Variants in ACVR2A observed in about 807,000 individuals in gnomAD.
ACVR2A encodes the protein activin A receptor type 2A, also known as activin receptor type-2A.
Under a neutral mutation model 61.4 loss-of-function variants are expected in ACVR2A, and 7 were observed. The observed-to-expected ratio is 0.11, with a 90% CI of 0.06 to 0.21. The LOEUF is 0.21. ACVR2A is among the 10% of genes least tolerant of loss of function. ACVR2A has a pLI of 1.00. For synonymous variants in ACVR2A, 193 were observed against 208.3 expected (o/e 0.93, Z 0.63); for missense variants, 322 against 621.7 (o/e 0.52, Z 5.13).
At chr2:147,877,221 C>CT (rs1449283527) in intron 1 of ACVR2A, among the ~76,000 whole-genome samples, 1 of 151,960 alleles carries the variant, frequency 6.6e-6, no homozygotes. Context: ...ATTTTTTTGT[C>CT]TTATGTTTAA....
In ACVR2A at chr2:147,905,336, G is replaced by T. The variant is rs375298073; in HGVS notation, c.528+5438G>T. 1.1e-4 allele frequency among the ~76,000 whole-genome samples: 16 copies of T among 152,012 alleles called. No homozygotes were observed. In the East Asian group the frequency reaches 2.7e-3, roughly 26 times the overall value. ...TTTATTATGTGTTTTTAAGTGAAAT[G>T]TAATAGAGTTTTATTGTATGCTTAT... On this transcript the variant is annotated intron_variant, in intron 4 of 10. Coordinates refer to ENST00000241416, the MANE Select transcript of ACVR2A (RefSeq NM_001616.5).
At chr2:147,871,216 T>G (rs1686004817) in intron 1 of ACVR2A, among the ~76,000 whole-genome samples, 1 of 152,114 alleles carries the variant, frequency 6.6e-6, no homozygotes, top group Non-Finnish European at 1.5e-5. Flanking sequence ...TTCTCAGACT[T>G]GATTTTTTTT....
At chr2:147,911,668 CTA>C (rs1246735887) in intron 4 of ACVR2A, among the ~76,000 whole-genome samples, 1 of 151,910 alleles carries the variant, frequency 6.6e-6, no homozygotes, top group Non-Finnish European at 1.5e-5. Flanking sequence ...TGTGCATCCT[CTA>C]TAATTTATAT....
At chr2:147,896,731 C>T (rs1686741668) in intron 2 of ACVR2A, 2 of 446,166 alleles carry the variant, frequency 4.5e-6, no homozygotes, top group Non-Finnish European at 8.0e-6. Context: ...GAATAATCTA[C>T]CCAGTAGTGA....
chr2:147,889,053 A>G (rs1573681443), intron 1 of ACVR2A, among the ~76,000 whole-genome samples: 1 of 151,888 alleles, frequency 6.6e-6, no homozygotes, highest in East Asian at 1.9e-4. Context: ...TTTTTCTGCA[A>G]CCACCGATAT....
intron 1 of ACVR2A, among the ~76,000 whole-genome samples, chr2:147,865,169 C>T (rs1318580265): frequency 6.6e-6 from 1 of 152,038 alleles, no homozygotes; most frequent in Non-Finnish European, 1.5e-5. Flanking sequence ...GGATTGTGGC[C>T]CTCGTGTTTA....
chr2:147,896,997 G>A (rs1686753470), intron 2 of ACVR2A: 2 of 123,104 alleles, frequency 1.6e-5, no homozygotes, highest in East Asian at 2.3e-4. Context: ...TAGGCCTTTC[G>A]CTCTTTACCC....
intron 8 of ACVR2A, among the ~76,000 whole-genome samples, chr2:147,921,266 C>T (rs1201445988): frequency 6.6e-6 from 1 of 152,050 alleles, no homozygotes; most frequent in Non-Finnish European, 1.5e-5. Context: ...AGCTCCTGAC[C>T]TCAAGTGATC....
At position 147,862,358 on chromosome 2, in the gene ACVR2A, G is replaced by A. The variant is rs116464528; in HGVS notation, c.55+17151G>A. 5.8e-3 allele frequency among the ~76,000 whole-genome samples: 874 copies of A among 151,348 alleles called. 5 individuals are homozygous for A. Among genetic ancestry groups the A allele is most frequent in the Non-Finnish European group, 9.6e-3 (649 of 67,718 alleles). Reference sequence around the variant, plus strand: ...ACTATAAATCCACATGTTAATTGTTGCCTGAAGTAAATTTGTAGGTAAATC... The same window carrying A: ...ACTATAAATCCACATGTTAATTGTTACCTGAAGTAAATTTGTAGGTAAATC... On this transcript the variant is annotated intron_variant, in intron 1 of 10. Coordinates refer to ENST00000241416, the MANE Select transcript of ACVR2A (RefSeq NM_001616.5).
intron 1 of ACVR2A, among the ~76,000 whole-genome samples, chr2:147,868,401 A>G (rs1339164249): frequency 6.6e-6 from 1 of 152,200 alleles, no homozygotes; most frequent in Non-Finnish European, 1.5e-5. Flanking sequence ...TTGGGCACAG[A>G]TGAAATGGAG....
chr2:147,907,334 A>G (rs1687011360), intron 4 of ACVR2A, among the ~76,000 whole-genome samples: 2 of 152,254 alleles, frequency 1.3e-5, no homozygotes, highest in African/African-American at 4.8e-5. Context: ...AGAATGATTT[A>G]TATTCCTTTG....
intron 1 of ACVR2A, among the ~76,000 whole-genome samples, chr2:147,860,075 G>A (rs1382355396): frequency 1.3e-5 from 2 of 152,132 alleles, no homozygotes; most frequent in African/African-American, 2.4e-5. Flanking sequence ...GAAGAGAATG[G>A]TTAGGAACTC....
At chr2:147,876,941 C>T (rs1035749468) in intron 1 of ACVR2A, among the ~76,000 whole-genome samples, 1 of 152,126 alleles carries the variant, frequency 6.6e-6, no homozygotes, top group Non-Finnish European at 1.5e-5. Context: ...TTCACCATGT[C>T]CTCATTGCAC....
intron 1 of ACVR2A, among the ~76,000 whole-genome samples, chr2:147,862,586 A>G (rs1685754574): frequency 6.6e-6 from 1 of 152,052 alleles, no homozygotes. Flanking sequence ...TTTACTAAAA[A>G]TATGAAAATT....
At chr2:147,883,213 G>A (rs374390816) in intron 1 of ACVR2A, among the ~76,000 whole-genome samples, 3 of 152,000 alleles carry the variant, frequency 2.0e-5, no homozygotes, top group Non-Finnish European at 4.4e-5. Context: ...TTTTTGAGAC[G>A]GAGTTTTGCT....
At chr2:147,913,173 CATATT>C (rs1687159635) in intron 4 of ACVR2A, among the ~76,000 whole-genome samples, 1 of 151,552 alleles carries the variant, frequency 6.6e-6, no homozygotes, top group Non-Finnish European at 1.5e-5. Flanking sequence ...GAATTGCTGA[CATATT>C]AATTGTGGAT....
At position 147,887,821 on chromosome 2, in the gene ACVR2A, A is replaced by G. The variant is rs1343287613; in HGVS notation, c.56-8480A>G. On this transcript the variant is annotated intron_variant, in intron 1 of 10. Coordinates refer to ENST00000241416, the MANE Select transcript of ACVR2A (RefSeq NM_001616.5). ...CTGATTTAAAAATCAGTGAGTAAAT[A>G]TAAAACAATTACATTGGATTGCAAG... is the stretch of plus-strand genomic sequence containing the variant. Among the ~76,000 whole-genome samples, 5 of 152,354 alleles carry G rather than the reference A, an allele frequency of 3.3e-5. No individual in the cohort carries two copies. The East Asian group carries it at 9.6e-4, about 29-fold the overall frequency.
chr2:147,864,407 A>AT (rs1053143421), intron 1 of ACVR2A, among the ~76,000 whole-genome samples: 2 of 151,480 alleles, frequency 1.3e-5, no homozygotes, highest in African/African-American at 4.9e-5. Context: ...TTTTTTTTGT[A>AT]TTTTTTTAGA....
intron 2 of ACVR2A, chr2:147,897,229 A>T (rs1329786070): frequency 6.6e-6 from 1 of 151,894 alleles, no homozygotes; most frequent in Non-Finnish European, 1.5e-5. Context: ...GCTGGTCTCG[A>T]TCTCCCGACC....
Sources: gnomAD v4.1 joint callset for allele counts (sites outside exome capture counted in the v4.1 genomes callset) on GRCh38, gnomAD v4.1.1 for gene constraint, MANE v1.5 for transcripts, NCBI Gene and HGNC (gene_info 2026-07-23, HGNC 2026-07-21) for gene names.